The following CLDN14 variants were observed in gnomAD, a reference collection of about 807,000 sequenced individuals.
The protein encoded by CLDN14 is claudin-14.
In CLDN14, 2 loss-of-function variants were observed where a neutral mutation model predicts 2.1. The ratio of observed to expected loss-of-function variants is 0.96; its 90% CI spans 0.39 to 3.01. CLDN14 has a LOEUF of 3.01. Ranked by LOEUF, CLDN14 falls within the 30% of genes most tolerant of loss-of-function variation. The pLI, the probability that CLDN14 is intolerant of heterozygous loss-of-function variation, is 0.09. For synonymous variants in CLDN14, 136 were observed against 154.4 expected, an observed-to-expected ratio of 0.88 and a Z score of 0.88; for missense variants, 298 against 328.0, an observed-to-expected ratio of 0.91 and a Z score of 0.71.
intron 1 of CLDN14, among the ~76,000 whole-genome samples, chr21:36,529,382 G>A (rs574239661): frequency 6.6e-6 from 1 of 152,108 alleles, no homozygotes; most frequent in East Asian, 1.9e-4. Context: ...TCCACCTCCC[G>A]AGTTCAAGCG....
intron 2 of CLDN14, chr21:36,486,551 A>T (rs1407342648): frequency 6.4e-7 from 1 of 1,559,832 alleles, no homozygotes; most frequent in African/African-American, 1.4e-5. Context: ...CGGAGAACTG[A>T]TGAGAGCATC....
At chr21:36,564,161 C>T (rs1056566799) in intron 1 of CLDN14, among the ~76,000 whole-genome samples, 5 of 152,192 alleles carry the variant, frequency 3.3e-5, no homozygotes, top group African/African-American at 1.2e-4. Flanking sequence ...CAGTGTTTGT[C>T]AGCAAAATTA....
intron 2 of CLDN14, among the ~76,000 whole-genome samples, chr21:36,492,492 G>A (rs1007354361): frequency 6.5e-4 from 97 of 150,126 alleles, no homozygotes; most frequent in African/African-American, 2.2e-3. Flanking sequence ...TGCAGGGCAT[G>A]GTGGCGAGCA....
At chr21:36,468,479 G>A (rs2086672978) in intron 1 of CLDN14, among the ~76,000 whole-genome samples, 1 of 152,128 alleles carries the variant, frequency 6.6e-6, no homozygotes, top group African/African-American at 2.4e-5. Flanking sequence ...TGGAGGCTGA[G>A]GGAGGAGAAT....
intron 1 of CLDN14, among the ~76,000 whole-genome samples, chr21:36,515,286 C>T (rs998019104): frequency 6.6e-6 from 1 of 152,084 alleles, no homozygotes; most frequent in Non-Finnish European, 1.5e-5. Context: ...TCACAGTAGC[C>T]AAAAGGTTGA....
At chr21:36,483,656 A>G (rs969919715), upstream of CLDN14, among the ~76,000 whole-genome samples, 1 of 152,218 alleles carries the variant, frequency 6.6e-6, no homozygotes, top group Admixed American at 6.5e-5. Flanking sequence ...CGGTGAGCCC[A>G]GGTTTGGTAA....
chr21:36,464,458 C>T (rs917103460), intron 1 of CLDN14, among the ~76,000 whole-genome samples: 6 of 152,248 alleles, frequency 3.9e-5, no homozygotes, highest in African/African-American at 7.2e-5. Flanking sequence ...GCACTATGCA[C>T]GATGCTGGCT....
rs369187783 is a variant in CLDN14 at position 36,489,323 on chromosome 21, T to C, written c.-82+21040A>G. Among the ~76,000 whole-genome samples the C allele has an allele frequency of 1.7e-4, 26 of 151,876 alleles. No individual in the cohort carries two copies. In the South Asian group the frequency reaches 5.4e-3, roughly 32 times the overall value. ...CTTGTTTAGGAGTAAGGAGTTTTAT[T>C]GGAATGAATGTTCTCAGATATTAAT... On this transcript the variant is annotated intron_variant, in intron 2 of 2. Coordinates refer to the CLDN14 transcript ENST00000342108.
At chr21:36,543,483 C>T (rs953212095) in intron 1 of CLDN14, among the ~76,000 whole-genome samples, 2 of 152,198 alleles carry the variant, frequency 1.3e-5, no homozygotes, top group African/African-American at 4.8e-5. Context: ...GCCTTTCTGT[C>T]CTGCTGTGCT....
chr21:36,464,138 G>A lies in CLDN14; in HGVS notation c.-81-2362C>T, dbSNP rs367618642. 2.6e-4 allele frequency among the ~76,000 whole-genome samples: 40 copies of A among 152,234 alleles called. No homozygotes were observed. The East Asian group carries it at 7.6e-3, about 29-fold the overall frequency. On this transcript the variant is annotated intron_variant, in intron 1 of 1. Coordinates refer to ENST00000399135, the MANE Select transcript of CLDN14 (RefSeq NM_001146079.2). Reference sequence around the variant, plus strand: ...TAGTGAGTGAGTTCTCACGAGATCTGGTTGTTTAAAAGTGTGCAGCACCTG... The same window carrying A: ...TAGTGAGTGAGTTCTCACGAGATCTAGTTGTTTAAAAGTGTGCAGCACCTG...
At chr21:36,475,428 G>A (rs2086765482) in intron 1 of CLDN14, among the ~76,000 whole-genome samples, 2 of 152,176 alleles carry the variant, frequency 1.3e-5, no homozygotes, top group South Asian at 2.1e-4. Flanking sequence ...AAAAAGATCC[G>A]GATGCCCTGG....
At chr21:36,469,871 T>C (rs1353832637) in intron 1 of CLDN14, among the ~76,000 whole-genome samples, 1 of 152,194 alleles carries the variant, frequency 6.6e-6, no homozygotes, top group East Asian at 1.9e-4. Context: ...TTCATTTACT[T>C]AAATACATGA....
chr21:36,535,415 TA>T (rs1267225959), intron 1 of CLDN14, among the ~76,000 whole-genome samples: 2 of 109,894 alleles, frequency 1.8e-5, no homozygotes, highest in Non-Finnish European at 4.8e-5. Context: ...TAAATAAAAG[TA>T]AAAAATAAAA....
chr21:36,507,118 C>T (rs549850454), intron 2 of CLDN14, among the ~76,000 whole-genome samples: 277 of 141,756 alleles, frequency 2.0e-3, no homozygotes, highest in African/African-American at 8.1e-3. Context: ...ATGAGATGCT[C>T]CCTCTTAAAA....
intron 2 of CLDN14, among the ~76,000 whole-genome samples, chr21:36,488,220 C>CCCTTCCTTCTTTCCTT (rs1555846815): frequency 3.1e-5 from 3 of 97,238 alleles, no homozygotes; most frequent in African/African-American, 1.3e-4. Flanking sequence ...ACTGTGATTC[C>CCCTTCCTTCTTTCCTT]CCTTCCTTCC....
At chr21:36,478,052 A>G (rs2086798422) in intron 1 of CLDN14, among the ~76,000 whole-genome samples, 1 of 152,258 alleles carries the variant, frequency 6.6e-6, no homozygotes, top group African/African-American at 2.4e-5. Context: ...CTTTTCTGAT[A>G]TATAGGCAAC....
intron 1 of CLDN14, among the ~76,000 whole-genome samples, chr21:36,515,789 C>CTCATTTTT (rs777338181): frequency 8.7e-6 from 1 of 115,316 alleles, no homozygotes; most frequent in Non-Finnish European, 1.7e-5. Flanking sequence ...TTTATCTTCT[C>CTCATTTTT]TTTTTTTTTT....
At chr21:36,484,658 G>C (rs191658728), upstream of CLDN14, among the ~76,000 whole-genome samples, 1 of 151,936 alleles carries the variant, frequency 6.6e-6, no homozygotes, top group East Asian at 1.9e-4. Flanking sequence ...CTCACACGTC[G>C]TTCTCTTCTT....
At chr21:36,524,552 C>A (rs535872755) in intron 1 of CLDN14, among the ~76,000 whole-genome samples, 1 of 152,162 alleles carries the variant, frequency 6.6e-6, no homozygotes, top group Non-Finnish European at 1.5e-5. Context: ...AGGCAGATAC[C>A]GACCCTGAGC....
Sources: allele counts gnomAD v4.1 joint callset (sites outside exome capture counted in the v4.1 genomes callset), GRCh38; gene constraint gnomAD v4.1.1; transcripts MANE v1.5; gene names NCBI Gene and HGNC (gene_info 2026-07-23, HGNC 2026-07-21).